Variants in AR observed in about 807,000 individuals in gnomAD.
AR encodes the protein dihydrotestosterone receptor.
Under a neutral mutation model 53.9 loss-of-function variants are expected in AR, and 8 were observed. That is an observed-to-expected ratio of 0.15 (90% confidence interval 0.09 to 0.27). The LOEUF (loss-of-function observed/expected upper bound fraction) is 0.27. AR is among the 10% of genes least tolerant of loss of function. AR has a pLI of 1.00. For missense variants in AR, 639 were observed against 742.5 expected (o/e 0.86, Z 1.62); for synonymous variants, 359 against 316.4 (o/e 1.13, Z -1.43).
At position 67,546,396 on chromosome X, in the gene AR, C is replaced by T. The variant is rs1327366080; in HGVS notation, c.1250C>T (p.Ala417Val). The T allele has an allele frequency of 8.4e-7, 1 of 1,183,775 alleles. No homozygotes were observed. The highest frequency in any genetic ancestry group is 1.8e-5 in the South Asian group (1 of 54,109). The change falls in exon 1 of 8, where the codon GCG (alanine) becomes GTG (valine). Residue 417 changes from alanine (A) to valine (V), a missense_variant. Physicochemically the swap from Ala to Val is moderately conservative, Grantham distance 64 (BLOSUM62 0). This residue lies in a region of AR where 423 missense variants were observed against 377.0 expected (regional missense o/e 1.12). Transcript: ENST00000374690. Reference protein sequence around the residue: ...RYGDLASLHGAGAAGPGSGSP... With the variant: ...RYGDLASLHGVGAAGPGSGSP... ...GGGGACCTGGCGAGCCTGCATGGCG[C>T]GGGTGCAGCGGGACCCGGTTCTGGG...
At chrX:67,720,725 G>T (rs1352556706) in intron 5 of AR, among the ~76,000 whole-genome samples, 1 of 110,907 alleles carries the variant, frequency 9.0e-6, no homozygotes, top group East Asian at 2.8e-4. Context: ...ACAATACCAG[G>T]CCTGCTCATC....
At chrX:67,635,184 T>A (rs1334795298) in intron 1 of AR, among the ~76,000 whole-genome samples, 1 of 111,663 alleles carries the variant, frequency 9.0e-6, no homozygotes, top group East Asian at 2.8e-4. Context: ...AGACTTACAA[T>A]GTGCCTACCA....
At chrX:67,604,943 T>C (rs1159532565) in intron 1 of AR, among the ~76,000 whole-genome samples, 3 of 112,147 alleles carry the variant, frequency 2.7e-5, no homozygotes, top group Non-Finnish European at 3.8e-5. Flanking sequence ...CCTACTGTTG[T>C]TGAAAATTTG....
intron 4 of AR, among the ~76,000 whole-genome samples, chrX:67,714,332 G>A (rs776116544): frequency 4.5e-5 from 5 of 111,874 alleles, no homozygotes; most frequent in East Asian, 2.8e-4. Flanking sequence ...ACCTAGTAAC[G>A]TAGCCTGAAA....
intron 2 of AR, among the ~76,000 whole-genome samples, chrX:67,653,300 T>C (rs1238251511): frequency 8.9e-6 from 1 of 112,216 alleles, no homozygotes; most frequent in African/African-American, 3.2e-5. Flanking sequence ...AAATAGTCAG[T>C]GGCTATGTGA....
chrX:67,670,436 G>A (rs1340016627), intron 2 of AR, among the ~76,000 whole-genome samples: 1 of 103,447 alleles, frequency 9.7e-6, no homozygotes, highest in African/African-American at 3.5e-5. Flanking sequence ...TAAATATAAA[G>A]AAACACGCTG....
At chrX:67,647,667 C>T (rs191838978) in intron 2 of AR, among the ~76,000 whole-genome samples, 3 of 112,118 alleles carry the variant, frequency 2.7e-5, no homozygotes, top group African/African-American at 9.7e-5. Context: ...TCTCATGTTT[C>T]TGCCTCTGAT....
intron 1 of AR, among the ~76,000 whole-genome samples, chrX:67,574,219 T>C (rs1264313412): frequency 8.9e-6 from 1 of 111,819 alleles, no homozygotes; most frequent in Non-Finnish European, 1.9e-5. Context: ...TGCTAGTGAC[T>C]ACGTGTGTTT....
chrX:67,568,984 T>C, intron 1 of AR: 1 of 1,209,962 alleles, frequency 8.3e-7, no homozygotes, highest in South Asian at 1.8e-5. Flanking sequence ...GCTCCTGACA[T>C]TGCCTGTCAC....
intron 1 of AR, among the ~76,000 whole-genome samples, chrX:67,629,032 C>T (rs772131417): frequency 3.6e-5 from 4 of 111,193 alleles, no homozygotes; most frequent in South Asian, 3.8e-4. Flanking sequence ...TGCTGGATTC[C>T]GTTTGCCAGT....
At chrX:67,637,410 G>C (rs912029713) in intron 1 of AR, among the ~76,000 whole-genome samples, 1 of 97,238 alleles carries the variant, frequency 1.0e-5, no homozygotes, top group Non-Finnish European at 2.0e-5. Context: ...TCCCACCTAT[G>C]AGTGAGAACA....
intron 2 of AR, among the ~76,000 whole-genome samples, chrX:67,660,386 T>C (rs1569297927): frequency 8.9e-6 from 1 of 111,985 alleles, no homozygotes; most frequent in Non-Finnish European, 1.9e-5. Context: ...GAATTAATTT[T>C]AGTATAAGGT....
intron 2 of AR, among the ~76,000 whole-genome samples, chrX:67,677,794 C>G (rs1041299042): frequency 2.7e-5 from 3 of 111,286 alleles, no homozygotes; most frequent in African/African-American, 9.8e-5. Context: ...TCACCCTTTC[C>G]TATCTGTAAA....
chrX:67,671,649 T>A lies in AR; in HGVS notation c.1769-14361T>A, dbSNP rs186483625. ...TGGCTTTTGTTGCCATTGCTTCTGG[T>A]GTTTTAGTCATGAAGTCTCTACCCA... On this transcript the variant is annotated intron_variant, in intron 2 of 7. Coordinates refer to ENST00000374690, the MANE Select transcript of AR (RefSeq NM_000044.6). Among the ~76,000 whole-genome samples, 469 of 111,873 alleles carry A rather than the reference T, an allele frequency of 4.2e-3. 2 individuals are homozygous for A. The highest frequency in any genetic ancestry group is 0.015 in the African/African-American group (452 of 30,815).
intron 3 of AR, among the ~76,000 whole-genome samples, chrX:67,699,076 C>A (rs1013244214): frequency 1.8e-5 from 2 of 112,205 alleles, no homozygotes; most frequent in East Asian, 2.8e-4. Context: ...AGAGCCTATT[C>A]TTTTGCCCTA....
intron 1 of AR, among the ~76,000 whole-genome samples, chrX:67,581,962 C>A (rs1323514792): frequency 9.0e-6 from 1 of 111,532 alleles, no homozygotes; most frequent in Admixed American, 9.5e-5. Flanking sequence ...GGGGTTTGGA[C>A]TACCTATCTT....
At chrX:67,569,753 A>G (rs1242994909) in intron 1 of AR, among the ~76,000 whole-genome samples, 1 of 110,025 alleles carries the variant, frequency 9.1e-6, no homozygotes, top group Admixed American at 9.7e-5. Context: ...CGGTGTGTGG[A>G]TTTCTATGTC....
At chrX:67,703,046 C>T (rs936872968) in intron 3 of AR, among the ~76,000 whole-genome samples, 13 of 111,133 alleles carry the variant, frequency 1.2e-4, no homozygotes, top group African/African-American at 3.9e-4. Flanking sequence ...CCACTGCTCT[C>T]CAGCTGGGTG....
chrX:67,629,904 T>C (rs1446495748), intron 1 of AR, among the ~76,000 whole-genome samples: 2 of 111,455 alleles, frequency 1.8e-5, no homozygotes, highest in African/African-American at 3.3e-5. Context: ...TACCCAGTAG[T>C]CATTCAGGAG....
Sources: allele counts gnomAD v4.1 joint callset (sites outside exome capture counted in the v4.1 genomes callset), GRCh38; gene constraint gnomAD v4.1.1; regional missense constraint gnomAD v4.1.1; transcripts MANE v1.5; gene names NCBI Gene and HGNC (gene_info 2026-07-23, HGNC 2026-07-21).